The following STIM1 variants were observed in gnomAD, a reference collection of about 807,000 sequenced individuals.
STIM1 encodes the protein stromal interaction molecule 1.
In STIM1, 25 loss-of-function variants were observed where a neutral mutation model predicts 74.7. The observed-to-expected ratio is 0.33, with a 90% CI of 0.24 to 0.47. The LOEUF is 0.47. Ranked by LOEUF, STIM1 falls within the 20% of genes least tolerant of loss-of-function variation. The probability of loss-of-function intolerance (pLI) is 1.00; values close to 1 mark genes in which losing one functional copy is unlikely to be tolerated. For synonymous variants in STIM1, 328 were observed against 348.8 expected (o/e 0.94, Z 0.66); for missense variants, 728 against 920.8 (o/e 0.79, Z 2.71).
intron 1 of STIM1, among the ~76,000 whole-genome samples, chr11:3,873,336 T>G (rs989559086): frequency 6.7e-6 from 1 of 149,824 alleles, no homozygotes; most frequent in Non-Finnish European, 1.5e-5. Context: ...GAGAATCGCT[T>G]GAACCCGGGA....
At chr11:3,930,233 A>G (rs2092841996) in intron 1 of STIM1, among the ~76,000 whole-genome samples, 1 of 152,306 alleles carries the variant, frequency 6.6e-6, no homozygotes, top group Admixed American at 6.5e-5. Flanking sequence ...GTTTACCACA[A>G]TCTTCCCTGA....
intron 1 of STIM1, among the ~76,000 whole-genome samples, chr11:3,880,656 GC>G (rs1279209153): frequency 6.6e-6 from 1 of 152,030 alleles, no homozygotes; most frequent in Non-Finnish European, 1.5e-5. Flanking sequence ...CTAAACCCCT[GC>G]CCCTCCCCAA....
intron 1 of STIM1, among the ~76,000 whole-genome samples, chr11:3,908,220 G>C (rs909553609): frequency 2.0e-5 from 3 of 152,074 alleles, no homozygotes; most frequent in Non-Finnish European, 2.9e-5. Context: ...TAACCTTTTT[G>C]GGCCTGGTAT....
chr11:3,973,422 C>G (rs559686307), intron 2 of STIM1: 3 of 378,320 alleles, frequency 7.9e-6, no homozygotes, highest in Non-Finnish European at 1.5e-5. Context: ...TCTCTCGAGA[C>G]AAGGTCTTGC....
intron 2 of STIM1, among the ~76,000 whole-genome samples, chr11:3,983,321 C>T (rs564142937): frequency 1.6e-4 from 25 of 152,296 alleles, no homozygotes; most frequent in Admixed American, 4.6e-4. Context: ...GAAGCAGATC[C>T]GTGGTTAGCT....
Position 4,079,062 on chromosome 11 carries a change from C to T in STIM1, c.970-3122C>T, listed in dbSNP as rs182297811. Among the ~76,000 whole-genome samples, 568 of 151,326 alleles carry T rather than the reference C, an allele frequency of 3.8e-3. 2 individuals are homozygous for T. In the South Asian group the frequency reaches 0.042, roughly 11 times the overall value. The stretch of plus-strand genomic sequence containing the variant: ...ATCCCAGCACTTTGGGAGGCCAAAG[C>T]GGGCGGATCATGAAGTCAGGAGATC... On this transcript the variant is annotated intron_variant, in intron 7 of 12. Transcript: ENST00000526596.
intron 1 of STIM1, among the ~76,000 whole-genome samples, chr11:3,916,729 G>A (rs962312893): frequency 6.6e-6 from 1 of 152,144 alleles, no homozygotes; most frequent in African/African-American, 2.4e-5. Flanking sequence ...TGGGATTACA[G>A]GTGTGAGCCA....
chr11:4,082,547 G>A (rs954663824), intron 8 of STIM1, among the ~76,000 whole-genome samples, 196 bp downstream of exon 8: 2 of 152,166 alleles, frequency 1.3e-5, no homozygotes, highest in Non-Finnish European at 2.9e-5. Flanking sequence ...TGAGGGTGTA[G>A]GGGCATTCCT....
chr11:3,899,492 A>G (rs1291491616), intron 1 of STIM1, among the ~76,000 whole-genome samples: 4 of 151,970 alleles, frequency 2.6e-5, no homozygotes, highest in Admixed American at 2.0e-4. Context: ...TCTTTTCCTA[A>G]TCGAATACCC....
intron 2 of STIM1, among the ~76,000 whole-genome samples, chr11:3,993,680 ACCC>A (rs2093635608): frequency 6.6e-6 from 1 of 151,820 alleles, no homozygotes; most frequent in African/African-American, 2.4e-5. Flanking sequence ...CGAAACAAAA[ACCC>A]CAAAAATATT....
chr11:3,927,242 A>G (rs2092800355), intron 1 of STIM1, among the ~76,000 whole-genome samples: 2 of 152,208 alleles, frequency 1.3e-5, no homozygotes. Context: ...TTATAAAACT[A>G]CAATGCCAAT....
At chr11:3,932,977 T>C (rs577477561) in intron 1 of STIM1, among the ~76,000 whole-genome samples, 29 of 152,328 alleles carry the variant, frequency 1.9e-4, no homozygotes, top group African/African-American at 5.5e-4. Flanking sequence ...GTAGAAAACA[T>C]AGAAGGAGCT....
At chr11:4,056,242 G>A (rs558883813) in intron 4 of STIM1, among the ~76,000 whole-genome samples, 1 of 152,304 alleles carries the variant, frequency 6.6e-6, no homozygotes, top group African/African-American at 2.4e-5. Flanking sequence ...TCATCTCTGG[G>A]ATGGCTCCAA....
At chr11:3,875,856 T>C (rs897838398) in intron 1 of STIM1, among the ~76,000 whole-genome samples, 3 of 152,210 alleles carry the variant, frequency 2.0e-5, no homozygotes, top group African/African-American at 7.2e-5. Context: ...GGATGAAACA[T>C]GCATTTTTGC....
At chr11:4,084,562 T>C in intron 10 of STIM1, 111 bp from the exon 11 acceptor site, 1 of 830,786 alleles carries the variant, frequency 1.2e-6, no homozygotes, top group Non-Finnish European at 1.7e-6. Flanking sequence ...CTTAATTAGC[T>C]CTGAGCTACC....
intron 2 of STIM1, among the ~76,000 whole-genome samples, chr11:4,023,418 A>G (rs1349066554): frequency 2.6e-5 from 4 of 152,234 alleles, no homozygotes; most frequent in Non-Finnish European, 5.9e-5. Flanking sequence ...AAATGGCATT[A>G]TCTTCAAGAG....
intron 7 of STIM1, among the ~76,000 whole-genome samples, chr11:4,076,840 G>T (rs931111104): frequency 6.7e-6 from 1 of 150,314 alleles, no homozygotes; most frequent in African/African-American, 2.4e-5. Context: ...GACTTTTTAA[G>T]TTATTTTTCT....
chr11:4,036,515 C>G (rs144207457), intron 3 of STIM1, among the ~76,000 whole-genome samples: 45 of 152,292 alleles, frequency 3.0e-4, no homozygotes, highest in African/African-American at 1.1e-3. Context: ...TTGCCAGCAT[C>G]TGTTGTTTCT....
intron 1 of STIM1, among the ~76,000 whole-genome samples, chr11:3,861,480 T>C (rs1590500572): frequency 2.0e-5 from 3 of 152,252 alleles, no homozygotes; most frequent in East Asian, 1.9e-4. Flanking sequence ...GTGATCTGCC[T>C]GCCTCGGCCT....
Sources: allele counts gnomAD v4.1 joint callset (sites outside exome capture counted in the v4.1 genomes callset), GRCh38; gene constraint gnomAD v4.1.1; transcripts MANE v1.5; gene names NCBI Gene and HGNC (gene_info 2026-07-23, HGNC 2026-07-21).